MEF2A: variants seen among roughly 807,000 people sequenced by gnomAD.
MEF2A encodes myocyte-specific enhancer factor 2A.
MEF2A carries 28 observed loss-of-function variants against 55.8 expected under a neutral mutation model. The ratio of observed to expected loss-of-function variants is 0.50; its 90% CI spans 0.37 to 0.69. The LOEUF (loss-of-function observed/expected upper bound fraction) is 0.69. MEF2A is among the 30% of genes least tolerant of loss of function. The pLI is 0.00. For missense variants in MEF2A, 528 were observed against 626.2 expected (o/e 0.84, Z 1.67); for synonymous variants, 239 against 227.1 (o/e 1.05, Z -0.47).
chr15:99,694,982 GTT>G (rs56283620), intron 8 of MEF2A, among the ~76,000 whole-genome samples: 92,748 of 147,294 alleles, frequency 0.63, 33,269 homozygotes, highest in Middle Eastern at 0.87. Context: ...ATTTTTGTGG[GTT>G]TTTTTTTTTT....
chr15:99,592,484 G>T (rs1335564777), intron 1 of MEF2A, among the ~76,000 whole-genome samples: 9 of 152,152 alleles, frequency 5.9e-5, no homozygotes, highest in Non-Finnish European at 1.0e-4. Context: ...AAAACACACT[G>T]TGTTAGTCTG....
intron 7 of MEF2A, chr15:99,678,552 C>T (rs768563108): frequency 6.3e-5 from 37 of 591,816 alleles, no homozygotes; most frequent in Non-Finnish European, 7.7e-5. Flanking sequence ...TTTTCAAATA[C>T]GTAATTTGTT....
At chr15:99,585,346 T>G (rs1041658572) in intron 1 of MEF2A, among the ~76,000 whole-genome samples, 1 of 152,218 alleles carries the variant, frequency 6.6e-6, no homozygotes, top group African/African-American at 2.4e-5. Context: ...GTTTCGTGAG[T>G]GTGTATAATC....
At chr15:99,642,698 A>G (rs746781413) in intron 3 of MEF2A, among the ~76,000 whole-genome samples, 1 of 152,182 alleles carries the variant, frequency 6.6e-6, no homozygotes, top group Admixed American at 6.5e-5. Context: ...GGCATTCTAC[A>G]TTTAGAACAA....
intron 3 of MEF2A, among the ~76,000 whole-genome samples, chr15:99,642,796 G>C (rs558366064): frequency 3.9e-5 from 6 of 152,258 alleles, no homozygotes; most frequent in African/African-American, 7.2e-5. Context: ...TGCCACTTTT[G>C]TGAAGAACTC....
intron 4 of MEF2A, among the ~76,000 whole-genome samples, chr15:99,666,890 T>G (rs1299868590): frequency 2.0e-5 from 3 of 152,206 alleles, no homozygotes; most frequent in Non-Finnish European, 4.4e-5. Context: ...TTTTAGACAG[T>G]TAACATTCTT....
chr15:99,580,686 T>C (rs1596263888), intron 1 of MEF2A, among the ~76,000 whole-genome samples: 1 of 152,252 alleles, frequency 6.6e-6, no homozygotes, highest in East Asian at 1.9e-4. Flanking sequence ...TTTTATTATA[T>C]GAAGGAGTTA....
intron 3 of MEF2A, among the ~76,000 whole-genome samples, chr15:99,641,758 T>G (rs2045016799): frequency 6.6e-6 from 1 of 152,120 alleles, no homozygotes; most frequent in Admixed American, 6.5e-5. Flanking sequence ...CACTGGCCGA[T>G]TTCTTCTCCA....
chr15:99,646,365 C>T (rs908675085), intron 4 of MEF2A, among the ~76,000 whole-genome samples: 1 of 152,052 alleles, frequency 6.6e-6, no homozygotes, highest in African/African-American at 2.4e-5. Flanking sequence ...AAATGGAAAC[C>T]AGTATGCTTC....
intron 3 of MEF2A, among the ~76,000 whole-genome samples, chr15:99,641,992 G>GT (rs1168501614): frequency 6.6e-6 from 1 of 152,080 alleles, no homozygotes; most frequent in African/African-American, 2.4e-5. Context: ...GTTTGTTTTT[G>GT]TTTTTTCAGC....
intron 7 of MEF2A, among the ~76,000 whole-genome samples, chr15:99,689,763 G>A (rs1375769207): frequency 6.6e-6 from 1 of 152,212 alleles, no homozygotes; most frequent in African/African-American, 2.4e-5. Context: ...TTACAGGCGT[G>A]AGCCACTGCA....
At chr15:99,677,969 G>A (rs552793260) in intron 7 of MEF2A, among the ~76,000 whole-genome samples, 4 of 152,264 alleles carry the variant, frequency 2.6e-5, no homozygotes, top group African/African-American at 7.2e-5. Context: ...TTGTAAATCA[G>A]TAACAATCTT....
intron 4 of MEF2A, among the ~76,000 whole-genome samples, chr15:99,651,125 A>G (rs942450095): frequency 7.9e-5 from 12 of 152,168 alleles, no homozygotes; most frequent in African/African-American, 2.7e-4. Context: ...TAAGGAATAC[A>G]TTTCTAATGG....
intron 4 of MEF2A, among the ~76,000 whole-genome samples, chr15:99,658,594 G>A (rs556262772): frequency 1.1e-4 from 16 of 151,334 alleles, no homozygotes; most frequent in African/African-American, 3.9e-4. Flanking sequence ...CCCATGCAGA[G>A]TAAATGTGTA....
At position 99,620,288 on chromosome 15, in the gene MEF2A, C is replaced by A. The variant is rs368037106; in HGVS notation, c.-142-12690C>A. ...GGGTTTTGTGTGTGAATATTCATGT[C>A]ACCCAAATAATAAGCACAGTAGGTG... On this transcript the variant is annotated intron_variant, in intron 2 of 11. Transcript: ENST00000557942. Among the ~76,000 whole-genome samples, 8 of 152,228 alleles carry A rather than the reference C, an allele frequency of 5.3e-5. No homozygotes were observed. The South Asian group carries it at 1.4e-3, about 28-fold the overall frequency.
Position 99,701,058 on chromosome 15 carries a change from G to A in MEF2A, c.859-2304G>A, listed in dbSNP as rs573205405. 7.4e-4 allele frequency among the ~76,000 whole-genome samples: 112 copies of A among 152,288 alleles called. 1 individual carries two copies. The South Asian group carries it at 0.023, about 31-fold the overall frequency. ...AGTCAGTGGATAAATGCTAACATAA[G>A]TGGGCAAAAAGTTTAAGTAAAAAGC... On this transcript the variant is annotated intron_variant, in intron 8 of 11. Coordinates refer to ENST00000557942, the MANE Select transcript of MEF2A (RefSeq NM_001319206.4).
intron 4 of MEF2A, among the ~76,000 whole-genome samples, chr15:99,662,739 A>C (rs570960136): frequency 1.3e-5 from 2 of 152,272 alleles, no homozygotes; most frequent in African/African-American, 4.8e-5. Flanking sequence ...CTGCCTCCCA[A>C]AGTGCTAGGA....
chr15:99,674,206 A>G (rs1007347168), intron 5 of MEF2A, among the ~76,000 whole-genome samples, 187 bp from the exon 6 acceptor site: 3 of 152,100 alleles, frequency 2.0e-5, no homozygotes, highest in African/African-American at 7.3e-5. Flanking sequence ...GAAAAGGCTC[A>G]TGTCAGTCAT....
chr15:99,702,217 A>C (rs1410260735), intron 8 of MEF2A, among the ~76,000 whole-genome samples: 1 of 152,128 alleles, frequency 6.6e-6, no homozygotes, highest in African/African-American at 2.4e-5. Flanking sequence ...TTTCAGAGTA[A>C]GTAATCGGTC....
Sources: allele counts gnomAD v4.1 joint callset (sites outside exome capture counted in the v4.1 genomes callset), GRCh38; gene constraint gnomAD v4.1.1; transcripts MANE v1.5; gene names NCBI Gene and HGNC (gene_info 2026-07-23, HGNC 2026-07-21).